Variants in TIAM1 observed in about 807,000 individuals in gnomAD.
The protein encoded by TIAM1 is TIAM Rac1 associated GEF 1.
In TIAM1, 65 loss-of-function variants were observed where a neutral mutation model predicts 163.5. The ratio of observed to expected loss-of-function variants is 0.40; its 90% CI spans 0.33 to 0.49. The LOEUF is 0.49. Among genes scored for constraint, TIAM1 ranks in the 20% least tolerant of loss-of-function variants. TIAM1 has a pLI of 0.77. For missense variants in TIAM1, 1,789 were observed against 2,044.7 expected (o/e 0.87, Z 2.41); for synonymous variants, 833 against 810.1 (o/e 1.03, Z -0.48).
intron 2 of TIAM1, among the ~76,000 whole-genome samples, chr21:31,320,042 C>T (rs996658610): frequency 1.3e-5 from 2 of 151,988 alleles, no homozygotes; most frequent in Non-Finnish European, 2.9e-5. Context: ...ACTGAAACAA[C>T]CCAAATGCTC....
At chr21:31,255,903 AT>A (rs2072074301) in intron 4 of TIAM1, among the ~76,000 whole-genome samples, 1 of 152,162 alleles carries the variant, frequency 6.6e-6, no homozygotes, top group South Asian at 2.1e-4. Flanking sequence ...CCCAGGACAA[AT>A]TCTCTGAAGC....
chr21:31,368,563 A>G (rs926166466), intron 2 of TIAM1, among the ~76,000 whole-genome samples: 1 of 152,162 alleles, frequency 6.6e-6, no homozygotes, highest in East Asian at 1.9e-4. Flanking sequence ...TTCACATCAC[A>G]AGGCAGAAAA....
chr21:31,228,246 A>AGGAG (rs1569069014), intron 6 of TIAM1, among the ~76,000 whole-genome samples: 3 of 137,170 alleles, frequency 2.2e-5, no homozygotes, highest in Admixed American at 7.3e-5. Context: ...AAAAAAAAAA[A>AGGAG]AAAAAAAAAA....
At chr21:31,210,812 A>AAGGT (rs1555891448) in intron 10 of TIAM1, among the ~76,000 whole-genome samples, 3 of 147,632 alleles carry the variant, frequency 2.0e-5, no homozygotes, top group Non-Finnish European at 3.0e-5. Context: ...GAAAGAAAGA[A>AAGGT]AGGTCACCAT....
intron 2 of TIAM1, among the ~76,000 whole-genome samples, chr21:31,441,699 T>C (rs1314918769): frequency 6.6e-6 from 1 of 151,994 alleles, no homozygotes; most frequent in African/African-American, 2.4e-5. Flanking sequence ...GCAAGTAAGA[T>C]CTGGAGGTCA....
At chr21:31,212,689 T>C (rs2086945513) in intron 10 of TIAM1, 1 of 144,818 alleles carries the variant, frequency 6.9e-6, no homozygotes, top group African/African-American at 2.5e-5. Context: ...CTCTGCTCAC[T>C]GCAAGCTCCG....
intron 1 of TIAM1, among the ~76,000 whole-genome samples, chr21:31,488,242 T>G (rs1003553347): frequency 3.9e-5 from 6 of 152,162 alleles, no homozygotes; most frequent in African/African-American, 1.4e-4. Flanking sequence ...AGCTTTACAA[T>G]TGGTCCTCAT....
At chr21:31,144,830 G>GAAAAA (rs764835303) in intron 20 of TIAM1, among the ~76,000 whole-genome samples, 869 of 72,068 alleles carry the variant, frequency 0.012, 3 homozygotes, top group Non-Finnish European at 0.015. Flanking sequence ...CTCCATCTCA[G>GAAAAA]AAAAAAAAAA....
intron 19 of TIAM1, among the ~76,000 whole-genome samples, chr21:31,152,022 T>C (rs1011312949): frequency 1.7e-4 from 3 of 17,232 alleles, no homozygotes; most frequent in African/African-American, 1.4e-3. Context: ...CAGAAGTGCC[T>C]TTTTTTTTTT....
Position 31,147,898 on chromosome 21 carries a change from G to T in TIAM1, c.3367-895C>A, listed in dbSNP as rs185202832. On this transcript the variant is annotated intron_variant, in intron 19 of 27. Coordinates refer to ENST00000541036, the MANE Select transcript of TIAM1 (RefSeq NM_001353694.2). ...TATTGAGGCTTAGAATTAAAAGGCA[G>T]GGTTCAAGCAAAGAAATAAGGTTTT... is the stretch of plus-strand genomic sequence containing the variant. Among the ~76,000 whole-genome samples the T allele has an allele frequency of 2.5e-3, 354 of 144,440 alleles. 2 individuals carry two copies. The highest frequency in any genetic ancestry group is 8.2e-3 in the African/African-American group (321 of 39,176). 94.8% of individuals were successfully genotyped at this position (144,440 alleles called of 152,430 possible). A position where few individuals can be genotyped will look rare whatever the true frequency, so the allele number is the denominator to read the frequency against.
At chr21:31,443,058 T>C (rs1484521321) in intron 2 of TIAM1, among the ~76,000 whole-genome samples, 1 of 152,180 alleles carries the variant, frequency 6.6e-6, no homozygotes, top group Non-Finnish European at 1.5e-5. Context: ...CTTGGAGCAA[T>C]TTCCACAGAA....
chr21:31,412,868 C>A (rs114451398), intron 2 of TIAM1, among the ~76,000 whole-genome samples: 115 of 151,592 alleles, frequency 7.6e-4, no homozygotes, highest in Middle Eastern at 3.4e-3. Context: ...GCTCATGCTC[C>A]TATGAGAATC....
At chr21:31,479,644 G>A (rs972539183) in intron 1 of TIAM1, among the ~76,000 whole-genome samples, 4 of 152,100 alleles carry the variant, frequency 2.6e-5, no homozygotes, top group African/African-American at 9.7e-5. Context: ...CTACAAATCA[G>A]GCCTCTTTAT....
chr21:31,276,573 C>G (rs1405796181), intron 3 of TIAM1, among the ~76,000 whole-genome samples, 159 bp downstream of exon 3: 2 of 152,198 alleles, frequency 1.3e-5, no homozygotes, highest in Non-Finnish European at 2.9e-5. Context: ...TTCGAATTGT[C>G]AGATAGGTGT....
At chr21:31,161,812 T>A (rs928275523) in intron 16 of TIAM1, among the ~76,000 whole-genome samples, 2 of 152,220 alleles carry the variant, frequency 1.3e-5, no homozygotes, top group Non-Finnish European at 1.5e-5. Flanking sequence ...CAGCTAACGA[T>A]TGAAAAATTA....
chr21:31,407,279 T>C (rs2077263609), intron 2 of TIAM1, among the ~76,000 whole-genome samples: 1 of 152,208 alleles, frequency 6.6e-6, no homozygotes, highest in South Asian at 2.1e-4. Context: ...ATATTGTTTA[T>C]TACGATTCCT....
At chr21:31,357,113 T>C (rs2076328713) in intron 2 of TIAM1, among the ~76,000 whole-genome samples, 1 of 152,178 alleles carries the variant, frequency 6.6e-6, no homozygotes, top group Non-Finnish European at 1.5e-5. Flanking sequence ...GACTGCCCAG[T>C]TCACACCTGT....
intron 2 of TIAM1, among the ~76,000 whole-genome samples, chr21:31,435,709 G>A (rs1003950053): frequency 1.1e-4 from 16 of 152,202 alleles, no homozygotes; most frequent in African/African-American, 3.9e-4. Flanking sequence ...CAACATTCAA[G>A]GGTTAGAAAT....
intron 23 of TIAM1, among the ~76,000 whole-genome samples, chr21:31,132,354 C>T (rs1025978385): frequency 6.6e-6 from 1 of 152,202 alleles, no homozygotes; most frequent in African/African-American, 2.4e-5. Flanking sequence ...TCACACCTCA[C>T]AGCATCTGAC....
Sources: gnomAD v4.1 joint callset for allele counts (sites outside exome capture counted in the v4.1 genomes callset) on GRCh38, gnomAD v4.1.1 for gene constraint, MANE v1.5 for transcripts, NCBI Gene and HGNC (gene_info 2026-07-23, HGNC 2026-07-21) for gene names.